The following NPEPPS variants were observed in gnomAD, a reference collection of about 807,000 sequenced individuals.
The protein encoded by NPEPPS is puromycin-sensitive aminopeptidase.
A neutral mutation model predicts 115.5 loss-of-function variants in NPEPPS; 14 were observed. The observed-to-expected ratio is 0.12, with a 90% CI of 0.08 to 0.19. The LOEUF is 0.19. Ranked by LOEUF, NPEPPS falls within the 10% of genes least tolerant of loss-of-function variation. The probability of loss-of-function intolerance (pLI) is 1.00; values close to 1 mark genes in which losing one functional copy is unlikely to be tolerated. For synonymous variants in NPEPPS, 285 were observed against 390.6 expected (o/e 0.73, Z 3.19); for missense variants, 523 against 1,110.8 (o/e 0.47, Z 7.52).
At chr17:47,618,584 G>A in intron 20 of NPEPPS, 127 bp downstream of exon 20, 1 of 647,346 alleles carries the variant, frequency 1.5e-6, no homozygotes, top group African/African-American at 1.8e-5. Flanking sequence ...CAGAGTAACT[G>A]GCTTGAGTTT....
At chr17:47,556,760 C>T (rs998226453) in intron 2 of NPEPPS, among the ~76,000 whole-genome samples, 3 of 152,244 alleles carry the variant, frequency 2.0e-5, no homozygotes, top group Non-Finnish European at 4.4e-5. Flanking sequence ...TCTCTTGCCT[C>T]TGCCTCCCAA....
At chr17:47,606,582 C>G (rs1045967006) in intron 17 of NPEPPS, among the ~76,000 whole-genome samples, 2 of 151,978 alleles carry the variant, frequency 1.3e-5, no homozygotes, top group African/African-American at 4.8e-5. Context: ...CTCAGCCTCC[C>G]GAGTAGCATA....
upstream of NPEPPS, among the ~76,000 whole-genome samples, chr17:47,527,728 T>G (rs1024187673): frequency 8.5e-5 from 12 of 141,488 alleles, no homozygotes; most frequent in African/African-American, 3.2e-4. Context: ...GAAAAAGAAA[T>G]AAAAAGAAAA....
chr17:47,564,020 C>T (rs1910629179), intron 2 of NPEPPS, among the ~76,000 whole-genome samples: 1 of 151,948 alleles, frequency 6.6e-6, no homozygotes, highest in South Asian at 2.1e-4. Flanking sequence ...GCAGCCTCTA[C>T]CTCCCAGGTT....
intron 2 of NPEPPS, among the ~76,000 whole-genome samples, chr17:47,558,586 C>T (rs1487215265): frequency 1.3e-5 from 2 of 151,906 alleles, no homozygotes; most frequent in Non-Finnish European, 2.9e-5. Context: ...CCTGCTACCA[C>T]GCCTGGCTAA....
chr17:47,575,583 T>A (rs939412190), intron 3 of NPEPPS, among the ~76,000 whole-genome samples: 4 of 103,588 alleles, frequency 3.9e-5, no homozygotes, highest in Admixed American at 2.0e-4. Context: ...AATATTGAAT[T>A]ATTATTATTA....
At chr17:47,578,495 A>G (rs1036441248) in intron 3 of NPEPPS, among the ~76,000 whole-genome samples, 1 of 151,934 alleles carries the variant, frequency 6.6e-6, no homozygotes, top group Admixed American at 6.6e-5. Flanking sequence ...ATGCATCTGT[A>G]TTTAGCAGAT....
chr17:47,601,840 A>G (rs1461034496), intron 15 of NPEPPS, 93 bp downstream of exon 15: 3 of 1,300,178 alleles, frequency 2.3e-6, no homozygotes, highest in African/African-American at 1.5e-5. Context: ...TTTCAAAGAA[A>G]AAAAAAAACC....
At chr17:47,606,932 C>T (rs1054557338) in intron 17 of NPEPPS, among the ~76,000 whole-genome samples, 8 of 151,850 alleles carry the variant, frequency 5.3e-5, no homozygotes, top group Admixed American at 6.6e-5. Flanking sequence ...TGGTGGCTCA[C>T]GCCTGTAATC....
At chr17:47,544,187 C>T (rs576722938) in intron 1 of NPEPPS, among the ~76,000 whole-genome samples, 1 of 152,206 alleles carries the variant, frequency 6.6e-6, no homozygotes, top group African/African-American at 2.4e-5. Flanking sequence ...AGCCACCGTG[C>T]CCGGCCTTAA....
chr17:47,527,620 G>C (rs1034393083), upstream of NPEPPS, among the ~76,000 whole-genome samples: 9 of 151,264 alleles, frequency 5.9e-5, no homozygotes, highest in African/African-American at 2.2e-4. Context: ...CCCTTAGGGA[G>C]GCCTAGGCAG....
chr17:47,622,163 T>C lies in NPEPPS; in HGVS notation c.*243T>C. On this transcript the variant is annotated 3_prime_UTR_variant, in exon 23 of 23. Coordinates refer to ENST00000322157, the MANE Select transcript of NPEPPS (RefSeq NM_006310.4). ...AAATGTAAATATGATAGTAATAAAA[T>C]AGAGCATAACGAAACTGTGAAACTT... The C allele has an allele frequency of 9.4e-7, 1 of 1,059,624 alleles. No individual in the cohort carries two copies. Among genetic ancestry groups the C allele is most frequent in the Non-Finnish European group, 1.2e-6 (1 of 842,672 alleles). The allele number at this position is 1,059,624 out of a possible 1,614,324, so 65.6% of individuals were successfully genotyped here.
At chr17:47,536,334 T>C (rs1908254656) in intron 1 of NPEPPS, among the ~76,000 whole-genome samples, 1 of 151,940 alleles carries the variant, frequency 6.6e-6, no homozygotes, top group African/African-American at 2.4e-5. Flanking sequence ...ACCTGAATGG[T>C]TATTGTCAAT....
At chr17:47,543,145 C>CAA (rs941024934) in intron 1 of NPEPPS, among the ~76,000 whole-genome samples, 5 of 53,000 alleles carry the variant, frequency 9.4e-5, no homozygotes, top group Non-Finnish European at 1.1e-4. Flanking sequence ...GACTCCATCT[C>CAA]AAAAAAAAAA....
chr17:47,599,867 G>T, intron 14 of NPEPPS, 128 bp downstream of exon 14: 1 of 742,846 alleles, frequency 1.3e-6, no homozygotes, highest in Non-Finnish European at 2.2e-6. Context: ...GCCCAGGCTC[G>T]AGTGCCATAG....
chr17:47,584,487 T>G (rs1018430242), intron 5 of NPEPPS, among the ~76,000 whole-genome samples: 1 of 152,182 alleles, frequency 6.6e-6, no homozygotes, highest in Admixed American at 6.5e-5. Flanking sequence ...AACTCTTTTA[T>G]GTATTTATTG....
At chr17:47,553,759 C>CT (rs745894618) in intron 2 of NPEPPS, among the ~76,000 whole-genome samples, 7,383 of 144,290 alleles carry the variant, frequency 0.051, 244 homozygotes, top group Middle Eastern at 0.17. Context: ...GTCTCTCTCT[C>CT]TTTTTTTTTT....
At chr17:47,537,170 AAAG>A (rs1208956373) in intron 1 of NPEPPS, among the ~76,000 whole-genome samples, 1 of 152,054 alleles carries the variant, frequency 6.6e-6, no homozygotes, top group East Asian at 1.9e-4. Context: ...AGGAAAAAAA[AAAG>A]GAAGAAATTT....
intron 2 of NPEPPS, among the ~76,000 whole-genome samples, chr17:47,554,853 A>ATTG (rs1909895559): frequency 6.6e-6 from 1 of 152,208 alleles, no homozygotes; most frequent in South Asian, 2.1e-4. Flanking sequence ...TGGGTGGCAT[A>ATTG]TATATACAGC....
Sources: gnomAD v4.1 joint callset for allele counts (sites outside exome capture counted in the v4.1 genomes callset) on GRCh38, gnomAD v4.1.1 for gene constraint, MANE v1.5 for transcripts, NCBI Gene and HGNC (gene_info 2026-07-23, HGNC 2026-07-21) for gene names.